Variants in CDKL1 observed in about 807,000 individuals in gnomAD.
CDKL1 encodes cyclin dependent kinase like 1.
In CDKL1, 41 loss-of-function variants were observed where a neutral mutation model predicts 42.0. The ratio of observed to expected loss-of-function variants is 0.98; its 90% CI spans 0.76 to 1.27. The LOEUF is 1.27. Ranked by LOEUF, CDKL1 falls within the 50% of genes most tolerant of loss-of-function variation. The probability of loss-of-function intolerance (pLI) is 0.00; values close to 1 mark genes in which losing one functional copy is unlikely to be tolerated. For synonymous variants in CDKL1, 153 were observed against 158.6 expected (o/e 0.96, Z 0.26); for missense variants, 394 against 428.4 (o/e 0.92, Z 0.71).
chr14:50,390,202 A>C (rs777298777), intron 2 of CDKL1: 13 of 1,364,632 alleles, frequency 9.5e-6, no homozygotes, highest in Non-Finnish European at 1.3e-5. Context: ...GAGACATGTC[A>C]TAGACAATGT....
In CDKL1 at chr14:50,341,095, C is replaced by T; in HGVS notation, c.592G>A (p.Gly198Arg). ...GATTTTCCTGGCCACAGAGGCACTC[C>T]TGACAGCAGCTCAGCAAAGACACAG... The part of the protein sequence containing the change: ...IGCVFAELLS[G>R]VPLWPGKSDV... The change falls in exon 6 of 10, where the codon GGA becomes AGA. Residue 198 changes from glycine (G) to arginine (R), a missense_variant. Coordinates refer to ENST00000395834, the MANE Select transcript of CDKL1 (RefSeq NM_004196.7). 1 of 1,614,196 alleles carries T rather than the reference C, an allele frequency of 6.2e-7. No individual in the cohort carries two copies. The highest frequency in any genetic ancestry group is 8.5e-7 in the Non-Finnish European group (1 of 1,180,044).
In CDKL1 at chr14:50,364,916, G is replaced by A. The variant is rs528661616; in HGVS notation, c.169-5767C>T. 3.9e-5 allele frequency among the ~76,000 whole-genome samples: 6 copies of A among 152,238 alleles called. No individual in the cohort carries two copies. The East Asian group carries it at 5.8e-4, about 15-fold the overall frequency. ...AAATAAAGCAAGTACTGCCCCTACC[G>A]GCCTGGAGCTTAGAACCTAGGAAAG... On this transcript the variant is annotated intron_variant, in intron 2 of 9. Transcript: ENST00000395834.
intron 3 of CDKL1, among the ~76,000 whole-genome samples, chr14:50,345,554 G>T (rs1427154319): frequency 1.3e-5 from 2 of 152,130 alleles, no homozygotes; most frequent in African/African-American, 2.4e-5. Flanking sequence ...TGTTTGTTTG[G>T]TTTTTTAGAT....
At position 50,395,759 on chromosome 14, in the gene CDKL1, T is replaced by A. The variant is rs373202347; in HGVS notation, c.110A>T (p.Glu37Val). 13 of 1,613,942 alleles carry A rather than the reference T, an allele frequency of 8.1e-6. No individual in the cohort carries two copies. The East Asian group carries it at 1.6e-4, about 19-fold the overall frequency. Residue 37 changes from glutamate to valine, a missense_variant, in exon 2 of 10, where the codon GAA becomes GTA. By Grantham distance (121) the Glu-to-Val change is moderately radical (BLOSUM62 -2). Transcript: ENST00000395834. ...GQIVAIKKFL[E>V]SEDDPVIKKI... is the part of the protein sequence containing the mutation. ...CTTTATGACAGGGTCATCTTCTGAT[T>A]CCAGAAACTTCTTGATGGCCACAAT...
chr14:50,369,930 T>C (rs2139484765), intron 2 of CDKL1, among the ~76,000 whole-genome samples: 1 of 152,048 alleles, frequency 6.6e-6, no homozygotes, highest in Middle Eastern at 3.4e-3. Flanking sequence ...ATTATATATG[T>C]TTATGGGGTT....
In CDKL1 at chr14:50,395,905, C is replaced by A. The variant is rs2035387858; in HGVS notation, c.-37G>T. The A allele has an allele frequency of 6.2e-7, 1 of 1,602,966 alleles. No individual in the cohort carries two copies. Among genetic ancestry groups the A allele is most frequent in the South Asian group, 1.1e-5 (1 of 90,768 alleles). On this transcript the variant is annotated 5_prime_UTR_variant, in exon 2 of 10. Transcript: ENST00000395834. ...AAATCTTCTTAAAATGGATCTTCAG[C>A]CGAGAATGGTGGCTCACGCCTGTAA... is the stretch of plus-strand genomic sequence containing the variant.
intron 2 of CDKL1, among the ~76,000 whole-genome samples, chr14:50,380,802 C>CTTTGTTTTTTTTGTTT (rs368170212): frequency 5.9e-5 from 8 of 134,638 alleles, no homozygotes; most frequent in East Asian, 2.4e-4. Flanking sequence ...CTGTGACTTC[C>CTTTGTTTTTTTTGTTT]TTTTTTTTTT....
At chr14:50,358,221 A>C in intron 3 of CDKL1, 1 of 1,105,664 alleles carries the variant, frequency 9.0e-7, no homozygotes, top group Non-Finnish European at 1.2e-6. Context: ...CCACAACACA[A>C]TTGTTTTTCA....
chr14:50,371,120 A>G (rs750750552), intron 2 of CDKL1, among the ~76,000 whole-genome samples: 2 of 152,198 alleles, frequency 1.3e-5, no homozygotes, highest in African/African-American at 2.4e-5. Context: ...TGTATTGTGT[A>G]TATATACTAC....
chr14:50,384,127 C>T (rs1021731564), intron 2 of CDKL1, among the ~76,000 whole-genome samples: 1 of 152,184 alleles, frequency 6.6e-6, no homozygotes, highest in Non-Finnish European at 1.5e-5. Context: ...AGGGAATGCT[C>T]TGTTTTGTCT....
intron 2 of CDKL1, among the ~76,000 whole-genome samples, chr14:50,387,652 A>G (rs2035127683): frequency 6.6e-6 from 1 of 152,156 alleles, no homozygotes. Context: ...ATCTTGCCCT[A>G]TATTCAGACT....
At chr14:50,387,706 GGTTT>G (rs2035129170) in intron 2 of CDKL1, among the ~76,000 whole-genome samples, 1 of 152,008 alleles carries the variant, frequency 6.6e-6, no homozygotes. Context: ...CAGACATTTG[GGTTT>G]GTTAATCCAT....
chr14:50,335,447 T>G, intron 7 of CDKL1: 2 of 1,532,922 alleles, frequency 1.3e-6, no homozygotes, highest in Non-Finnish European at 1.7e-6. Flanking sequence ...GGCCTGCTGC[T>G]TCCCTTCTCA....
At chr14:50,342,017 T>G in intron 5 of CDKL1, 115 bp downstream of exon 5, 1 of 781,230 alleles carries the variant, frequency 1.3e-6, no homozygotes, top group Non-Finnish European at 2.1e-6. Context: ...TATAGCACAC[T>G]TATGCCCTAA....
In CDKL1 at chr14:50,327,460, T is replaced by A. The variant is rs1190286368; in HGVS notation, c.*2614A>T. On this transcript the variant is annotated 3_prime_UTR_variant, in exon 10 of 10. Transcript: ENST00000395834. ...AGATTTCTGTGTGTTTGATTTGAAC[T>A]TTTTTTTTTTTTTTTTTTTTTTTGA... 2 of 10,576 alleles carry A rather than the reference T, an allele frequency of 1.9e-4. No homozygotes were observed. Among genetic ancestry groups the A allele is most frequent in the Admixed American group, 3.3e-3 (2 of 604 alleles). The allele number at this position is 10,576 out of a possible 1,614,324, so 0.7% of individuals were successfully genotyped here. A position where few individuals can be genotyped will look rare whatever the true frequency, so the allele number is the denominator to read the frequency against.
At chr14:50,345,201 T>A (rs568334606) in intron 3 of CDKL1, 143 bp from the exon 4 acceptor site, 1 of 690,538 alleles carries the variant, frequency 1.4e-6, no homozygotes, top group African/African-American at 1.8e-5. Context: ...AATCATTCCA[T>A]GAATCCAAAA....
chr14:50,383,252 T>C (rs1178654385), intron 2 of CDKL1, among the ~76,000 whole-genome samples: 1 of 151,816 alleles, frequency 6.6e-6, no homozygotes, highest in Non-Finnish European at 1.5e-5. Flanking sequence ...AATAACGATA[T>C]GTAATACACA....
At chr14:50,386,929 A>T (rs1222653031) in intron 2 of CDKL1, among the ~76,000 whole-genome samples, 1 of 152,050 alleles carries the variant, frequency 6.6e-6, no homozygotes, top group Non-Finnish European at 1.5e-5. Flanking sequence ...CAAGAGACTG[A>T]GGCAGGAGAA....
chr14:50,332,855 A>G, intron 8 of CDKL1: 1 of 526,892 alleles, frequency 1.9e-6, no homozygotes, highest in Non-Finnish European at 3.3e-6. Flanking sequence ...GCATACAGCA[A>G]AGTCTCCACC....
Sources: gnomAD v4.1 joint callset for allele counts (sites outside exome capture counted in the v4.1 genomes callset) on GRCh38, gnomAD v4.1.1 for gene constraint, MANE v1.5 for transcripts, NCBI Gene and HGNC (gene_info 2026-07-23, HGNC 2026-07-21) for gene names.